PCTP: variants seen among roughly 807,000 people sequenced by gnomAD.
The protein encoded by PCTP is START domain-containing protein 2.
A neutral mutation model predicts 31.0 loss-of-function variants in PCTP; 27 were observed. That is an observed-to-expected ratio of 0.87 (90% CI 0.64 to 1.20). PCTP has a LOEUF of 1.20. PCTP is among the 50% of genes most tolerant of loss of function. PCTP has a pLI of 0.00. For synonymous variants in PCTP, 108 were observed against 101.2 expected (o/e 1.07, Z -0.40); for missense variants, 287 against 268.2 (o/e 1.07, Z -0.49).
chr17:55,756,623 G>A (rs546039289), intron 1 of PCTP, among the ~76,000 whole-genome samples: 20 of 152,160 alleles, frequency 1.3e-4, no homozygotes, highest in African/African-American at 4.6e-4. Flanking sequence ...CTTCACATAG[G>A]GGTTAATTAT....
chr17:55,812,931 G>A (rs190753113), intron 3 of PCTP, among the ~76,000 whole-genome samples: 2 of 152,222 alleles, frequency 1.3e-5, no homozygotes, highest in East Asian at 1.9e-4. Flanking sequence ...GTGCCTTTCC[G>A]CAGTCATGAG....
In PCTP at chr17:55,758,780, G is replaced by A. The variant is rs563816045; in HGVS notation, c.141+7536G>A. Reference sequence around the variant, plus strand: ...AGAGTCTCAGTTTTTCCCTCTCCTCGCATCTGTCTTAGGATAAGCCTGTGG... The same window carrying A: ...AGAGTCTCAGTTTTTCCCTCTCCTCACATCTGTCTTAGGATAAGCCTGTGG... On this transcript the variant is annotated intron_variant, in intron 1 of 5. Transcript: ENST00000268896. 2.0e-5 allele frequency among the ~76,000 whole-genome samples: 3 copies of A among 152,176 alleles called. No homozygotes were observed. The South Asian group carries it at 6.2e-4, about 32-fold the overall frequency.
intron 3 of PCTP, among the ~76,000 whole-genome samples, chr17:55,809,764 G>A (rs992379899): frequency 2.6e-5 from 4 of 152,046 alleles, no homozygotes; most frequent in East Asian, 1.9e-4. Flanking sequence ...CTCATGACTC[G>A]CCCGCCTCGG....
intron 1 of PCTP, among the ~76,000 whole-genome samples, chr17:55,752,224 T>C (rs1205929992): frequency 1.3e-5 from 2 of 152,236 alleles, no homozygotes; most frequent in African/African-American, 4.8e-5. Context: ...ACATCAAATA[T>C]AGTGTTTTTA....
chr17:55,820,474 G>C (rs539790001), intron 3 of PCTP, among the ~76,000 whole-genome samples: 12 of 152,228 alleles, frequency 7.9e-5, no homozygotes, highest in African/African-American at 2.9e-4. Context: ...GGGATGAAAG[G>C]GCCAAGGGGA....
At chr17:55,764,031 C>T (rs144298179) in intron 1 of PCTP, among the ~76,000 whole-genome samples, 9 of 152,316 alleles carry the variant, frequency 5.9e-5, no homozygotes, top group East Asian at 3.9e-4. Context: ...TCTGTACTCA[C>T]GCAAATTATG....
At chr17:55,851,856 G>A in the PCTP span, among the ~76,000 whole-genome samples, 1 of 152,082 alleles carries the variant, frequency 6.6e-6, no homozygotes, top group African/African-American at 2.4e-5. Flanking sequence ...AGGTAAAATG[G>A]AACAACCACA....
the PCTP span, among the ~76,000 whole-genome samples, chr17:55,851,795 G>A: frequency 6.6e-6 from 1 of 152,008 alleles, no homozygotes; most frequent in Admixed American, 6.6e-5. Flanking sequence ...TTTACCATCT[G>A]AATCAAAAAA....
At chr17:55,844,462 T>G (rs1906079273), downstream of PCTP, among the ~76,000 whole-genome samples, 1 of 152,128 alleles carries the variant, frequency 6.6e-6, no homozygotes, top group Non-Finnish European at 1.5e-5. Context: ...TTGAACTAAT[T>G]CCTGTTAAGC....
chr17:55,787,971 A>G (rs1470218104), intron 3 of PCTP, among the ~76,000 whole-genome samples: 1 of 152,124 alleles, frequency 6.6e-6, no homozygotes, highest in East Asian at 1.9e-4. Flanking sequence ...CTCAGAGTAC[A>G]ATGGGACTGT....
chr17:55,757,276 G>A (rs148351478), intron 1 of PCTP, among the ~76,000 whole-genome samples: 35 of 149,818 alleles, frequency 2.3e-4, no homozygotes, highest in African/African-American at 8.6e-4. Flanking sequence ...ATATACACAA[G>A]CATGTGTGTG....
intron 5 of PCTP, 98 bp from the exon 6 acceptor site, chr17:55,775,937 C>T (rs1911304191): frequency 7.9e-6 from 12 of 1,511,642 alleles, no homozygotes; most frequent in African/African-American, 2.8e-5. Context: ...CATTTTTGTT[C>T]GTCCTAAAGC....
At chr17:55,795,907 A>G (rs748156546) in intron 3 of PCTP, among the ~76,000 whole-genome samples, 94 of 152,036 alleles carry the variant, frequency 6.2e-4, no homozygotes, top group Non-Finnish European at 1.1e-3. Flanking sequence ...CCCTATACAT[A>G]TGTGTGAAAA....
At chr17:55,751,297 C>T (rs1197454650) in intron 1 of PCTP, 53 bp downstream of exon 1, 2 of 1,517,860 alleles carry the variant, frequency 1.3e-6, no homozygotes, top group East Asian at 5.0e-5. Flanking sequence ...CCGGGGTCGA[C>T]CTCCCCGCAG....
In PCTP at chr17:55,810,707, A is replaced by G. The variant is rs546192840; in HGVS notation, c.318-12054A>G. Among the ~76,000 whole-genome samples, 3 of 152,296 alleles carry G rather than the reference A, an allele frequency of 2.0e-5. No homozygotes were observed. The East Asian group carries it at 5.8e-4, about 29-fold the overall frequency. ...AAAAAGATTTTGGATAACTGTGTCAACCTGTTGGGATGCTTCCCTAAGAGT... is the reference window on the plus strand; with the variant it reads ...AAAAAGATTTTGGATAACTGTGTCAGCCTGTTGGGATGCTTCCCTAAGAGT... On this transcript the variant is annotated intron_variant, in intron 3 of 3. Coordinates refer to the PCTP transcript ENST00000572536.
intron 2 of PCTP, among the ~76,000 whole-genome samples, chr17:55,784,753 A>G (rs1331365958): frequency 6.6e-6 from 1 of 152,250 alleles, no homozygotes; most frequent in Admixed American, 6.5e-5. Context: ...TTCTGCTGTA[A>G]TGCATCCAAA....
At position 55,806,832 on chromosome 17, in the gene PCTP, G is replaced by A. The variant is rs1453063543; in HGVS notation, c.318-15929G>A. ...CATATATATTACAGAACAGGAAAAT[G>A]TTGTCAGCTTCATCATGAAAAAGAG... On this transcript the variant is annotated intron_variant, in intron 3 of 3. Transcript: ENST00000572536. 3.9e-5 allele frequency among the ~76,000 whole-genome samples: 6 copies of A among 152,262 alleles called. No individual in the cohort carries two copies. In the East Asian group the frequency reaches 1.2e-3, roughly 29 times the overall value.
At chr17:55,793,680 C>T (rs1912083828) in intron 3 of PCTP, among the ~76,000 whole-genome samples, 1 of 152,042 alleles carries the variant, frequency 6.6e-6, no homozygotes, top group Non-Finnish European at 1.5e-5. Flanking sequence ...CTTAACTTGT[C>T]TCTATTGAAT....
intron 1 of PCTP, among the ~76,000 whole-genome samples, chr17:55,755,054 G>A (rs1909936543): frequency 6.6e-6 from 1 of 152,134 alleles, no homozygotes; most frequent in African/African-American, 2.4e-5. Context: ...GGAGACCAGA[G>A]ACAATTTGTT....
Sources: gnomAD v4.1 joint callset for allele counts (sites outside exome capture counted in the v4.1 genomes callset) on GRCh38, gnomAD v4.1.1 for gene constraint, MANE v1.5 for transcripts, NCBI Gene and HGNC (gene_info 2026-07-23, HGNC 2026-07-21) for gene names.